Variants in QNG1 observed in about 807,000 individuals in gnomAD.
The protein encoded by QNG1 is queuosine 5'-phosphate N-glycosylase/hydrolase.
chr9:83,942,743 A>G, the QNG1 span, among the ~76,000 whole-genome samples: 3 of 152,234 alleles, frequency 2.0e-5, no homozygotes, highest in South Asian at 4.1e-4. Context: ...CTAAGTGGCA[A>G]AAGAATTTGT....
the QNG1 span, chr9:83,953,752 G>C: frequency 3.9e-6 from 6 of 1,519,592 alleles, no homozygotes; most frequent in African/African-American, 6.9e-5. Flanking sequence ...CCCCCTCCCA[G>C]GTTCAAAAGA....
the QNG1 span, chr9:83,956,185 C>T: frequency 1.2e-6 from 2 of 1,611,620 alleles, no homozygotes; most frequent in Non-Finnish European, 8.5e-7. Context: ...GCTCTGTTGA[C>T]GGCGGCGCAC....
chr9:83,940,178 G>A, the QNG1 span, among the ~76,000 whole-genome samples: 5 of 152,128 alleles, frequency 3.3e-5, no homozygotes, highest in Non-Finnish European at 7.4e-5. Flanking sequence ...GCTGAGGTAG[G>A]AGGATTACTT....
the QNG1 span, among the ~76,000 whole-genome samples, chr9:83,947,680 G>T: frequency 1.3e-5 from 2 of 152,156 alleles, no homozygotes; most frequent in Non-Finnish European, 2.9e-5. Flanking sequence ...CGCCTGACTG[G>T]TTTTTGTATT....
the QNG1 span, among the ~76,000 whole-genome samples, chr9:83,945,444 A>G: frequency 6.6e-6 from 1 of 151,986 alleles, no homozygotes; most frequent in African/African-American, 2.4e-5. Flanking sequence ...CAAGAAACAA[A>G]AGGATTTAAT....
At chr9:83,956,208 C>CG in the QNG1 span, 1 of 1,613,540 alleles carries the variant, frequency 6.2e-7, no homozygotes, top group East Asian at 2.2e-5. Context: ...GGACCAGTAC[C>CG]CACTGTATGT....
At chr9:83,950,846 C>A in the QNG1 span, among the ~76,000 whole-genome samples, 1 of 152,050 alleles carries the variant, frequency 6.6e-6, no homozygotes, top group Non-Finnish European at 1.5e-5. Flanking sequence ...AGTGATCCAC[C>A]CACCTTGGCC....
the QNG1 span, chr9:83,939,139 T>C: frequency 4.5e-6 from 1 of 220,226 alleles, no homozygotes; most frequent in South Asian, 6.2e-5. Context: ...AATGGCCTAA[T>C]CTCGCCTCAC....
the QNG1 span, chr9:83,956,821 A>C: frequency 3.6e-6 from 1 of 280,164 alleles, no homozygotes; most frequent in East Asian, 6.8e-5. Context: ...GAAACTGCTA[A>C]GGGTCCGGCG....
the QNG1 span, among the ~76,000 whole-genome samples, chr9:83,945,651 G>C: frequency 6.6e-6 from 1 of 151,964 alleles, no homozygotes; most frequent in East Asian, 1.9e-4. Context: ...GCCCAGGCTG[G>C]AGTGCAGTGG....
chr9:83,951,091 G>T, the QNG1 span, among the ~76,000 whole-genome samples: 1 of 151,980 alleles, frequency 6.6e-6, no homozygotes, highest in Non-Finnish European at 1.5e-5. Context: ...GGTCAACATG[G>T]TGAAACCCTG....
chr9:83,948,407 C>T, the QNG1 span, among the ~76,000 whole-genome samples: 1 of 150,950 alleles, frequency 6.6e-6, no homozygotes, highest in African/African-American at 2.4e-5. Flanking sequence ...GCCCGGCAGC[C>T]GCCCCGTCCG....
chr9:83,947,512 G>GCCTCTC, the QNG1 span, among the ~76,000 whole-genome samples: 2 of 152,286 alleles, frequency 1.3e-5, no homozygotes, highest in East Asian at 3.9e-4. Flanking sequence ...GTCAGAATTT[G>GCCTCTC]CCTCTCCCTC....
chr9:83,946,600 A>T, the QNG1 span, among the ~76,000 whole-genome samples: 7 of 152,212 alleles, frequency 4.6e-5, no homozygotes, highest in Non-Finnish European at 1.0e-4. Context: ...TAACTAAAAA[A>T]TTCTAGCTAA....
the QNG1 span, among the ~76,000 whole-genome samples, chr9:83,948,109 G>A: frequency 6.6e-6 from 1 of 150,966 alleles, no homozygotes; most frequent in Non-Finnish European, 1.5e-5. Flanking sequence ...GATGTGGGGA[G>A]CGCCTCTGCC....
chr9:83,939,734 A>G, the QNG1 span: 2 of 1,613,496 alleles, frequency 1.2e-6, no homozygotes, highest in Non-Finnish European at 1.7e-6. Flanking sequence ...TCCATATGAG[A>G]GCATTTCTCC....
At chr9:83,942,193 T>C in the QNG1 span, among the ~76,000 whole-genome samples, 1 of 152,328 alleles carries the variant, frequency 6.6e-6, no homozygotes, top group African/African-American at 2.4e-5. Flanking sequence ...CCTAGGAAAC[T>C]AATGTAATAA....
At chr9:83,947,937 C>A in the QNG1 span, among the ~76,000 whole-genome samples, 1 of 152,128 alleles carries the variant, frequency 6.6e-6, no homozygotes, top group African/African-American at 2.4e-5. Flanking sequence ...GCCGCCACCC[C>A]GTATGGGAAG....
At chr9:83,956,476 C>T in the QNG1 span, 1 of 1,526,784 alleles carries the variant, frequency 6.5e-7, no homozygotes. Flanking sequence ...TTAGAGGATT[C>T]CCTGGGATTT....
Sources: allele counts gnomAD v4.1 joint callset (sites outside exome capture counted in the v4.1 genomes callset), GRCh38; gene constraint gnomAD v4.1.1; transcripts MANE v1.5; gene names NCBI Gene and HGNC (gene_info 2026-07-23, HGNC 2026-07-21).